MADD: variants seen among roughly 807,000 people sequenced by gnomAD.
The protein encoded by MADD is MAP kinase activating death domain, also known as MAP kinase-activating death domain protein.
MADD carries 109 observed loss-of-function variants against 176.7 expected under a neutral mutation model. The ratio of observed to expected loss-of-function variants is 0.62; its 90% CI spans 0.53 to 0.72. The LOEUF (loss-of-function observed/expected upper bound fraction) is 0.72. Among genes scored for constraint, MADD ranks in the 30% least tolerant of loss-of-function variants. The pLI, the probability that MADD is intolerant of heterozygous loss-of-function variation, is 0.00. For synonymous variants in MADD, 771 were observed against 771.3 expected (o/e 1.00, Z 0.01); for missense variants, 1,914 against 2,045.5 (o/e 0.94, Z 1.24).
chr11:47,300,841 T>C (rs1289117634), intron 22 of MADD, among the ~76,000 whole-genome samples: 2 of 152,206 alleles, frequency 1.3e-5, no homozygotes, highest in Non-Finnish European at 2.9e-5. Flanking sequence ...TACTTGAAAT[T>C]GGACTATTCA....
At chr11:47,290,472 GA>G in intron 18 of MADD, 137 bp from the exon 20 acceptor site, 1 of 1,257,726 alleles carries the variant, frequency 8.0e-7, no homozygotes, top group Non-Finnish European at 1.1e-6. Context: ...TCTTTGTTAC[GA>G]AAAATAAGAC....
rs1220835744 is a variant in MADD, at chr11:47,311,708, AAG to A, written c.3979-21_3979-20del. On this transcript the variant is annotated intron_variant, in intron 25 of 32. Coordinates refer to ENST00000402192, the Ensembl canonical transcript of MADD. ...TCGGGAGGAGAGCAGATCCCTTGTT[AAG>A]AGTCATGTGTTGGCTTTTCAGGTAA... 2.8e-6 allele frequency: 4 copies of A among 1,425,500 alleles called. No homozygotes were observed. In the South Asian group the frequency reaches 4.6e-5, roughly 16 times the overall value. 88.3% of individuals were successfully genotyped at this position (1,425,500 alleles called of 1,614,324 possible).
At chr11:47,298,781 C>T (rs577392772) in intron 22 of MADD, among the ~76,000 whole-genome samples, 17 of 152,242 alleles carry the variant, frequency 1.1e-4, no homozygotes, top group South Asian at 6.2e-4. Context: ...ATTTCTGCTA[C>T]GTTTTCTTCT....
intron 30 of MADD, among the ~76,000 whole-genome samples, 194 bp from the exon 34 acceptor site, chr11:47,326,350 G>A (rs1421853110): frequency 6.6e-6 from 1 of 152,204 alleles, no homozygotes; most frequent in Non-Finnish European, 1.5e-5. Flanking sequence ...AGCCCTCTGC[G>A]CCGGAGGAGG....
In MADD at chr11:47,285,440, G is replaced by A. The variant is rs1361472977; in HGVS notation, c.2412-11G>A. 1 of 1,614,112 alleles carries A rather than the reference G, an allele frequency of 6.2e-7. No individual in the cohort carries two copies. The highest frequency in any genetic ancestry group is 1.7e-4 in the Middle Eastern group (1 of 6,058). The stretch of plus-strand genomic sequence containing the variant: ...CTGCCTGGGGATCATAGGTGCCTCT[G>A]TGCATTCAAGGGCTCAAAAGCTGCT... On this transcript the variant is annotated splice_polypyrimidine_tract_variant and intron_variant, in intron 13 of 32. Transcript: ENST00000402192.
At chr11:47,293,348 C>T (rs1339069576) in intron 19 of MADD, among the ~76,000 whole-genome samples, 1 of 150,164 alleles carries the variant, frequency 6.7e-6, no homozygotes, top group Non-Finnish European at 1.5e-5. Context: ...GCTGCTCAGG[C>T]TGGAGTGCAG....
Position 47,305,689 on chromosome 11 carries a change from G to T in MADD, c.3643-2902G>T, listed in dbSNP as rs12575753. Among the ~76,000 whole-genome samples, 730 of 152,218 alleles carry T rather than the reference G, an allele frequency of 4.8e-3. 50 individuals are homozygous for T. In the East Asian group the frequency reaches 0.11, roughly 23 times the overall value. On this transcript the variant is annotated intron_variant, in intron 22 of 32. Transcript: ENST00000402192. Reference sequence around the variant, plus strand: ...GCGTGGCAGAGCACAGCTGTCATTTGGGCCCTGGGGGTCAGGGAGCAGCAC... The same window carrying T: ...GCGTGGCAGAGCACAGCTGTCATTTTGGCCCTGGGGGTCAGGGAGCAGCAC...
At chr11:47,274,525 TC>T in intron 2 of MADD, 37 bp from the exon 3 acceptor site, 1 of 1,510,198 alleles carries the variant, frequency 6.6e-7, no homozygotes, top group Non-Finnish European at 9.1e-7. Context: ...GCCCATTCCA[TC>T]CCTTCAGGCT....
intron 19 of MADD, chr11:47,292,569 A>G (rs761771526): frequency 1.2e-6 from 2 of 1,614,064 alleles, no homozygotes; most frequent in South Asian, 2.2e-5. Context: ...CCAGGAAGTG[A>G]AAAAGCAAAA....
At chr11:47,284,973 G>C (rs372866892) in exon 13 of MADD, 1 of 1,613,930 alleles carries the variant, frequency 6.2e-7, no homozygotes, top group Non-Finnish European at 8.5e-7. Context: ...TGGATGATAA[G>C]GCAGCAGTAG....
chr11:47,305,700 G>A (rs1190111842), intron 22 of MADD, among the ~76,000 whole-genome samples: 1 of 152,138 alleles, frequency 6.6e-6, no homozygotes, highest in East Asian at 1.9e-4. Context: ...GGCCCTGGGG[G>A]TCAGGGAGCA....
At chr11:47,313,671 TC>T (rs1335912614) in intron 26 of MADD, among the ~76,000 whole-genome samples, 2 of 152,152 alleles carry the variant, frequency 1.3e-5, no homozygotes, top group African/African-American at 4.8e-5. Context: ...GGATAAAAGA[TC>T]TACTCAAAAT....
At chr11:47,281,636 G>A in exon 8 of MADD, 1 of 1,613,018 alleles carries the variant, frequency 6.2e-7, no homozygotes, top group Non-Finnish European at 8.5e-7. Context: ...TTTCATGAGG[G>A]CCAGGAGATC....
At chr11:47,324,691 G>A (rs1382603734) in intron 30 of MADD, 114 bp downstream of exon 33, 1 of 770,700 alleles carries the variant, frequency 1.3e-6, no homozygotes. Flanking sequence ...TGGAGCTAGA[G>A]GGAGAACTGG....
intron 22 of MADD, among the ~76,000 whole-genome samples, chr11:47,306,775 T>A (rs2083054456): frequency 6.6e-6 from 1 of 152,178 alleles, no homozygotes; most frequent in Non-Finnish European, 1.5e-5. Flanking sequence ...AAAGTATAGC[T>A]GTTTATTACT....
intron 1 of MADD, chr11:47,272,415 C>G (rs1200560448): frequency 6.6e-6 from 1 of 152,112 alleles, no homozygotes; most frequent in Non-Finnish European, 1.5e-5. Flanking sequence ...CCTTAAGCAT[C>G]CAGGGAGTGT....
chr11:47,295,420 A>G (rs1289903217), intron 20 of MADD, 76 bp from the exon 23 acceptor site: 10 of 1,228,236 alleles, frequency 8.1e-6, no homozygotes, highest in Non-Finnish European at 1.2e-5. Context: ...GAGGAGAAAG[A>G]AAAAGGTACA....
At chr11:47,276,927 T>C in intron 5 of MADD, 64 bp downstream of exon 5, 1 of 1,579,386 alleles carries the variant, frequency 6.3e-7, no homozygotes, top group Non-Finnish European at 8.6e-7. Flanking sequence ...GGCTTAATGC[T>C]CAAAGAAGTT....
rs2086858744 is a variant in MADD at position 47,310,002 on chromosome 11, C to G, written c.3978+390C>G. 2.0e-5 allele frequency among the ~76,000 whole-genome samples: 3 copies of G among 150,684 alleles called. No homozygotes were observed. In the South Asian group the frequency reaches 6.3e-4, roughly 32 times the overall value. ...GATTACAGGCGCACACCACCATACC[C>G]AGCTAGTTTTTGTATTTTTAGTAGA... On this transcript the variant is annotated intron_variant, in intron 25 of 32. Transcript: ENST00000402192.
Sources: allele counts gnomAD v4.1 joint callset (sites outside exome capture counted in the v4.1 genomes callset), GRCh38; gene constraint gnomAD v4.1.1; transcripts MANE v1.5; gene names NCBI Gene and HGNC (gene_info 2026-07-23, HGNC 2026-07-21).